The following GTF2IRD2B variants were observed in gnomAD, a reference collection of about 807,000 sequenced individuals.
GTF2IRD2B encodes the protein general transcription factor II-I repeat domain-containing protein 2B.
Under a neutral mutation model 55.6 loss-of-function variants are expected in GTF2IRD2B, and 10 were observed. The ratio of observed to expected loss-of-function variants is 0.18; its 90% CI spans 0.11 to 0.31. The LOEUF is 0.31. Among genes scored for constraint, GTF2IRD2B ranks in the 10% least tolerant of loss-of-function variants. The probability of loss-of-function intolerance (pLI) is 1.00; values close to 1 mark genes in which losing one functional copy is unlikely to be tolerated. For synonymous variants in GTF2IRD2B, 107 were observed against 320.5 expected (o/e 0.33, Z 7.12); for missense variants, 206 against 802.7 (o/e 0.26, Z 8.98).
chr7:75,132,548 CTTTTT>C (rs1159887977), intron 8 of GTF2IRD2B, among the ~76,000 whole-genome samples: 117 of 85,264 alleles, frequency 1.4e-3, no homozygotes, highest in Middle Eastern at 0.01. Context: ...CTCCTTCCTT[CTTTTT>C]TTTTTTTTTT....
rs587703891 is a variant in GTF2IRD2B at position 75,120,115 on chromosome 7, C to T, written c.239-776C>T. Among the ~76,000 whole-genome samples the T allele has an allele frequency of 5.0e-5, 6 of 118,910 alleles. No homozygotes were observed. In the East Asian group the frequency reaches 1.2e-3, roughly 24 times the overall value. The allele number at this position is 118,910 out of a possible 152,430, so 78.0% of individuals were successfully genotyped here. A position where few individuals can be genotyped will look rare whatever the true frequency, so the allele number is the denominator to read the frequency against. ...CTGCACTCCAGCCTGGGTGTCACAG[C>T]GAGACTCTGTCTCAAAAAAAAAAAA... On this transcript the variant is annotated intron_variant, in intron 3 of 15. Transcript: ENST00000472837.
chr7:75,132,305 G>A (rs1808684969), intron 8 of GTF2IRD2B, among the ~76,000 whole-genome samples: 1 of 124,328 alleles, frequency 8.0e-6, no homozygotes, highest in Non-Finnish European at 1.6e-5. Context: ...GTTGCAGTGA[G>A]CCGAGATCAT....
Position 75,123,063 on chromosome 7 carries a change from A to G in GTF2IRD2B, c.359-73A>G, listed in dbSNP as rs587610506. The G allele has an allele frequency of 1.4e-4, 220 of 1,570,836 alleles. 4 individuals carry two copies. The East Asian group carries it at 4.6e-3, about 33-fold the overall frequency. The stretch of plus-strand genomic sequence containing the variant: ...AGACTCTGTTTCTACAAAACAAAAA[A>G]CAAAAAACAAAAAAAAAAAACTGGT... On this transcript the variant is annotated intron_variant, in intron 4 of 15. Transcript: ENST00000472837.
intron 1 of GTF2IRD2B, among the ~76,000 whole-genome samples, chr7:75,100,833 A>G (rs1482054182): frequency 2.6e-5 from 1 of 37,960 alleles, no homozygotes; most frequent in Non-Finnish European, 5.5e-5. Flanking sequence ...GCATCGGCGC[A>G]TAGAGTGTAG....
In GTF2IRD2B at chr7:75,149,288, C is replaced by T. The variant is rs376220851; in HGVS notation, c.2841C>T (p.Ile947=). 12 of 757,832 alleles carry T rather than the reference C, an allele frequency of 1.6e-5. No homozygotes were observed. Among genetic ancestry groups the T allele is most frequent in the African/African-American group, 8.8e-5 (5 of 56,932 alleles). 46.9% of individuals were successfully genotyped at this position (757,832 alleles called of 1,614,324 possible). The change falls in exon 16 of 16, where the codon ATC becomes ATT. Residue 947 remains isoleucine, a synonymous_variant. Transcript: ENST00000472837. ...KDSQWDSVLH[I]AT is the part of the protein sequence containing the mutation. ...CCCAGTGGGATTCTGTACTCCACAT[C>T]GCAACGTGATGGAGAGAAAACTCCT...
chr7:75,096,535 C>T (rs1424487843), intron 1 of GTF2IRD2B, among the ~76,000 whole-genome samples: 2 of 101,540 alleles, frequency 2.0e-5, no homozygotes, highest in Non-Finnish European at 3.8e-5. Context: ...CAATTCTCCC[C>T]GCCTCAGCCT....
intron 1 of GTF2IRD2B, among the ~76,000 whole-genome samples, chr7:75,102,049 C>T (rs1402806271): frequency 6.6e-6 from 1 of 151,422 alleles, no homozygotes; most frequent in African/African-American, 2.4e-5. Context: ...GTTGCCCAGG[C>T]TGGAGTGCAG....
At chr7:75,115,718 C>T (rs1199138141) in intron 3 of GTF2IRD2B, among the ~76,000 whole-genome samples, 2 of 149,658 alleles carry the variant, frequency 1.3e-5, no homozygotes, top group African/African-American at 4.9e-5. Context: ...ACAGGGTGAG[C>T]CACCGCGCCC....
At chr7:75,136,314 T>C (rs1195549002) in intron 10 of GTF2IRD2B, among the ~76,000 whole-genome samples, 1 of 148,950 alleles carries the variant, frequency 6.7e-6, no homozygotes, top group East Asian at 1.9e-4. Context: ...TTTTTTTTTT[T>C]TTGAGACAGA....
intron 10 of GTF2IRD2B, among the ~76,000 whole-genome samples, chr7:75,136,226 A>G (rs1808830780): frequency 4.4e-5 from 6 of 137,494 alleles, no homozygotes. Context: ...TTTACAGGCA[A>G]TGTGATCTTA....
At chr7:75,126,721 G>T (rs1392764912) in intron 8 of GTF2IRD2B, among the ~76,000 whole-genome samples, 3 of 147,408 alleles carry the variant, frequency 2.0e-5, no homozygotes, top group East Asian at 4.0e-4. Context: ...ACAAGGCTGC[G>T]CACGGTGGAT....
chr7:75,136,077 G>T (rs1554453491), intron 10 of GTF2IRD2B, among the ~76,000 whole-genome samples: 1 of 99,584 alleles, frequency 1.0e-5, no homozygotes, highest in African/African-American at 5.3e-5. Flanking sequence ...GGAGGCGGAG[G>T]CTGCAGTGAG....
chr7:75,130,698 G>A (rs1158697897), intron 8 of GTF2IRD2B, among the ~76,000 whole-genome samples: 2 of 140,202 alleles, frequency 1.4e-5, no homozygotes, highest in African/African-American at 2.9e-5. Context: ...GGCTAGTCTC[G>A]AACTCCTGAC....
intron 9 of GTF2IRD2B, among the ~76,000 whole-genome samples, chr7:75,134,562 GT>G (rs1284219731): frequency 4.5e-5 from 6 of 132,808 alleles, no homozygotes; most frequent in African/African-American, 1.4e-4. Flanking sequence ...ATTGGTTTAT[GT>G]TTTTTTTGTT....
At chr7:75,136,449 C>T (rs1412012494) in intron 10 of GTF2IRD2B, among the ~76,000 whole-genome samples, 5 of 143,838 alleles carry the variant, frequency 3.5e-5, no homozygotes, top group Admixed American at 1.4e-4. Context: ...TACAGGCGTG[C>T]GCCACCACGC....
intron 3 of GTF2IRD2B, among the ~76,000 whole-genome samples, chr7:75,115,510 G>T: frequency 7.1e-6 from 1 of 140,828 alleles, no homozygotes. Flanking sequence ...CACAACCTCT[G>T]CCTCCTCGGT....
At chr7:75,127,721 C>A (rs1808570005) in intron 8 of GTF2IRD2B, among the ~76,000 whole-genome samples, 1 of 88,744 alleles carries the variant, frequency 1.1e-5, no homozygotes, top group Non-Finnish European at 2.2e-5. Flanking sequence ...TTGGACTTTT[C>A]TGTCATTTCT....
rs587751139 is a variant in GTF2IRD2B at position 75,122,856 on chromosome 7, T to G, written c.359-280T>G. On this transcript the variant is annotated intron_variant, in intron 4 of 15. Coordinates refer to ENST00000472837, the MANE Select transcript of GTF2IRD2B (RefSeq NM_001003795.3). Reference sequence around the variant, plus strand: ...TGAGCTCAGCCGTTCGAGACCAGTCTGGACAACATGGTGAAACCTCATCTC... The same window carrying G: ...TGAGCTCAGCCGTTCGAGACCAGTCGGGACAACATGGTGAAACCTCATCTC... Among the ~76,000 whole-genome samples, 89 of 151,098 alleles carry G rather than the reference T, an allele frequency of 5.9e-4. 2 individuals are homozygous for G. Among genetic ancestry groups the G allele is most frequent in the Admixed American group, 2.3e-3 (35 of 15,146 alleles).
Position 75,149,441 on chromosome 7 carries a change from C to T in GTF2IRD2B, c.*144C>T, listed in dbSNP as rs587612886. 549 of 618,772 alleles carry T rather than the reference C, an allele frequency of 8.9e-4. 8 individuals carry two copies. The highest frequency in any genetic ancestry group is 8.5e-3 in the African/African-American group (460 of 53,924). 38.3% of individuals were successfully genotyped at this position (618,772 alleles called of 1,614,324 possible). ...TGTCGCCCAGGTTGGAGTGCAGTGG[C>T]GTGATCTCGGCTTACTGCAACTTCC... On this transcript the variant is annotated 3_prime_UTR_variant, in exon 16 of 16. Coordinates refer to ENST00000472837, the MANE Select transcript of GTF2IRD2B (RefSeq NM_001003795.3).
Sources: gnomAD v4.1 joint callset for allele counts (sites outside exome capture counted in the v4.1 genomes callset) on GRCh38, gnomAD v4.1.1 for gene constraint, MANE v1.5 for transcripts, NCBI Gene and HGNC (gene_info 2026-07-23, HGNC 2026-07-21) for gene names.